Variants in GLIS1 observed in about 807,000 individuals in gnomAD.
GLIS1 encodes GLIS family zinc finger 1, also known as zinc finger protein GLIS1.
GLIS1 carries 24 observed loss-of-function variants against 63.8 expected under a neutral mutation model. The observed-to-expected ratio is 0.38, with a 90% CI of 0.27 to 0.53. The LOEUF is 0.53. GLIS1 is among the 20% of genes least tolerant of loss of function. The pLI is 0.85. For synonymous variants in GLIS1, 450 were observed against 482.5 expected (o/e 0.93, Z 0.88); for missense variants, 1,036 against 1,074.1 (o/e 0.96, Z 0.50).
intron 4 of GLIS1, among the ~76,000 whole-genome samples, chr1:53,551,811 T>G (rs1315511516): frequency 1.3e-5 from 2 of 152,168 alleles, no homozygotes; most frequent in Non-Finnish European, 2.9e-5. Context: ...CTTCCCTGGA[T>G]GTACCCGGTG....
Position 53,551,643 on chromosome 1 carries a change from C to T in GLIS1, c.1321-21691G>A, listed in dbSNP as rs1046659823. 2.2e-5 allele frequency among the ~76,000 whole-genome samples: 3 copies of T among 134,378 alleles called. No homozygotes were observed. The Admixed American group carries it at 2.3e-4, about 10-fold the overall frequency. 88.2% of individuals were successfully genotyped at this position (134,378 alleles called of 152,430 possible). On this transcript the variant is annotated intron_variant, in intron 4 of 10. Coordinates refer to ENST00000628545, the MANE Select transcript of GLIS1 (RefSeq NM_001367484.1). ...CTTTCTCAGGGCCCCTCAGAGTGCT[C>T]TGCAGAGCATGCTGGCAGTCCCTCC...
intron 2 of GLIS1, among the ~76,000 whole-genome samples, chr1:53,704,550 G>T (rs537363975): frequency 6.6e-6 from 1 of 152,210 alleles, no homozygotes; most frequent in Non-Finnish European, 1.5e-5. Flanking sequence ...TGAGGAAGTG[G>T]GAGGGAGGGG....
At chr1:53,653,675 G>A (rs925619844) in intron 2 of GLIS1, among the ~76,000 whole-genome samples, 1 of 152,126 alleles carries the variant, frequency 6.6e-6, no homozygotes, top group Non-Finnish European at 1.5e-5. Flanking sequence ...CGGCACAGGT[G>A]TGCCTGCAGA....
At chr1:53,578,801 T>G (rs1645056771) in intron 4 of GLIS1, among the ~76,000 whole-genome samples, 2 of 152,210 alleles carry the variant, frequency 1.3e-5, no homozygotes, top group Admixed American at 1.3e-4. Context: ...AACTCAATGA[T>G]AAGGAACAAA....
intron 4 of GLIS1, among the ~76,000 whole-genome samples, chr1:53,586,628 G>A (rs796958646): frequency 6.6e-6 from 1 of 152,182 alleles, no homozygotes; most frequent in Non-Finnish European, 1.5e-5. Flanking sequence ...TAAGAAAACC[G>A]AGGCTTATAG....
intron 2 of GLIS1, among the ~76,000 whole-genome samples, chr1:53,700,570 G>T (rs1646512986): frequency 6.6e-6 from 1 of 152,190 alleles, no homozygotes; most frequent in Non-Finnish European, 1.5e-5. Flanking sequence ...AGAAGGGGTG[G>T]AGGGGTCAGA....
At chr1:53,737,079 A>G (rs886183644) in intron 2 of GLIS1, among the ~76,000 whole-genome samples, 1 of 152,204 alleles carries the variant, frequency 6.6e-6, no homozygotes, top group Non-Finnish European at 1.5e-5. Context: ...TAATGACTCA[A>G]TAATAATTAA....
intron 2 of GLIS1, among the ~76,000 whole-genome samples, chr1:53,621,823 T>TC (rs1441638017): frequency 6.6e-6 from 1 of 152,202 alleles, no homozygotes; most frequent in African/African-American, 2.4e-5. Flanking sequence ...AGAAAAATTT[T>TC]TTTTTTTTGA....
intron 2 of GLIS1, among the ~76,000 whole-genome samples, chr1:53,717,104 T>C (rs2100540450): frequency 6.6e-6 from 1 of 152,258 alleles, no homozygotes; most frequent in Non-Finnish European, 1.5e-5. Flanking sequence ...TCTTCAAAAT[T>C]CTTAACAGGA....
chr1:53,693,024 C>A (rs2100465909), intron 2 of GLIS1, among the ~76,000 whole-genome samples: 1 of 152,312 alleles, frequency 6.6e-6, no homozygotes, highest in Non-Finnish European at 1.5e-5. Context: ...GAAGGTATGT[C>A]CCTCACAGGT....
chr1:53,531,581 G>A (rs577307766), intron 4 of GLIS1, among the ~76,000 whole-genome samples: 26 of 152,278 alleles, frequency 1.7e-4, no homozygotes, highest in Middle Eastern at 3.4e-3. Context: ...TCCAGTCTGC[G>A]GTGAGTGCCA....
chr1:53,593,045 A>C (rs901949570), intron 4 of GLIS1, among the ~76,000 whole-genome samples: 1 of 152,258 alleles, frequency 6.6e-6, no homozygotes, highest in Admixed American at 6.5e-5. Context: ...TCCCAGACCA[A>C]GTGCTCCATG....
intron 2 of GLIS1, among the ~76,000 whole-genome samples, chr1:53,678,816 C>T (rs951336747): frequency 6.6e-6 from 1 of 152,212 alleles, no homozygotes; most frequent in African/African-American, 2.4e-5. Flanking sequence ...GTCTCCTTAA[C>T]TGGAAATGGA....
At chr1:53,609,817 G>C (rs2100570411) in intron 2 of GLIS1, among the ~76,000 whole-genome samples, 1 of 152,196 alleles carries the variant, frequency 6.6e-6, no homozygotes, top group East Asian at 1.9e-4. Context: ...GGTGGTATAG[G>C]CTACCATCTA....
chr1:53,573,639 C>T (rs907274073), intron 4 of GLIS1, among the ~76,000 whole-genome samples: 1 of 152,228 alleles, frequency 6.6e-6, no homozygotes, highest in African/African-American at 2.4e-5. Flanking sequence ...ATGTGCCACA[C>T]AAGCACATGC....
chr1:53,700,736 A>G (rs1646514907), intron 2 of GLIS1, among the ~76,000 whole-genome samples: 1 of 152,176 alleles, frequency 6.6e-6, no homozygotes, highest in East Asian at 1.9e-4. Context: ...CAACATTTTC[A>G]TCACCCAAAA....
At chr1:53,658,124 T>C (rs1158796912) in intron 2 of GLIS1, among the ~76,000 whole-genome samples, 4 of 152,194 alleles carry the variant, frequency 2.6e-5, no homozygotes, top group Non-Finnish European at 5.9e-5. Flanking sequence ...GCCCCCATGC[T>C]GTTGTACATG....
intron 2 of GLIS1, among the ~76,000 whole-genome samples, chr1:53,714,072 A>C (rs956457922): frequency 2.6e-5 from 4 of 152,326 alleles, no homozygotes; most frequent in South Asian, 2.1e-4. Context: ...CTAAGTGAAG[A>C]AAGATAAGAA....
chr1:53,506,883 A>G (rs912247561), intron 10 of GLIS1, 107 bp from the exon 11 acceptor site: 12 of 1,151,740 alleles, frequency 1.0e-5, no homozygotes, highest in Non-Finnish European at 1.4e-5. Context: ...ATCCCCTCAC[A>G]GTGTCCCGTC....
Sources: allele counts gnomAD v4.1 joint callset (sites outside exome capture counted in the v4.1 genomes callset), GRCh38; gene constraint gnomAD v4.1.1; transcripts MANE v1.5; gene names NCBI Gene and HGNC (gene_info 2026-07-23, HGNC 2026-07-21).